The following HERC3 variants were observed in gnomAD, a reference collection of about 807,000 sequenced individuals.
HERC3 encodes HECT and RLD domain containing E3 ubiquitin protein ligase 3.
HERC3 carries 58 observed loss-of-function variants against 129.9 expected under a neutral mutation model. The observed-to-expected ratio is 0.45, with a 90% CI of 0.36 to 0.56. The LOEUF (loss-of-function observed/expected upper bound fraction) is 0.56, where lower values mean the gene tolerates loss of function less well. Among genes scored for constraint, HERC3 ranks in the 20% least tolerant of loss-of-function variants. The pLI is 0.00. For missense variants in HERC3, 835 were observed against 1,244.2 expected (o/e 0.67, Z 4.95); for synonymous variants, 430 against 451.0 (o/e 0.95, Z 0.59).
Position 88,662,445 on chromosome 4 carries a change from T to C in HERC3, c.1161T>C (p.Ala387=), listed in dbSNP as rs757786302. Residue 387 remains alanine, a synonymous_variant, in exon 11 of 26, where the codon GCT becomes GCC. Coordinates refer to ENST00000402738, the MANE Select transcript of HERC3 (RefSeq NM_014606.3). Reference sequence around the variant, plus strand: ...TAATTCTCCAGAATTATTCTCCTGCTGTTGACTTCAGGACTATGAACCAAG... The same window carrying C: ...TAATTCTCCAGAATTATTCTCCTGCCGTTGACTTCAGGACTATGAACCAAG... ...LCSKYENYSP[A]VDFRTMNQAH... is the part of the protein sequence containing the mutation. The C allele has an allele frequency of 3.1e-6, 5 of 1,609,250 alleles. No homozygotes were observed. Among genetic ancestry groups the C allele is most frequent in the Admixed American group, 3.4e-5 (2 of 58,944 alleles).
At chr4:88,645,112 A>G (rs781479524) in intron 3 of HERC3, among the ~76,000 whole-genome samples, 6 of 152,264 alleles carry the variant, frequency 3.9e-5, no homozygotes, top group Non-Finnish European at 7.4e-5. Context: ...CAGACTTTCA[A>G]TAAAAGTCTG....
intron 4 of HERC3, among the ~76,000 whole-genome samples, chr4:88,651,122 T>C (rs981675088): frequency 1.1e-4 from 16 of 152,198 alleles, no homozygotes; most frequent in Admixed American, 1.0e-3. Flanking sequence ...ATGTTGTGTG[T>C]AATACTAGGG....
Position 88,708,487 on chromosome 4 carries a change from G to A in HERC3, c.*1527G>A, listed in dbSNP as rs1469033108. ...GTTATATGAAATGTTTATTTTCTAT[G>A]TGTGTGCATATAGTTCAATATTATG... On this transcript the variant is annotated 3_prime_UTR_variant, in exon 26 of 26. Coordinates refer to ENST00000402738, the MANE Select transcript of HERC3 (RefSeq NM_014606.3). The A allele has an allele frequency of 6.6e-6, 1 of 152,452 alleles. No individual in the cohort carries two copies. Among genetic ancestry groups the A allele is most frequent in the African/African-American group, 2.4e-5 (1 of 41,384 alleles). 9.4% of individuals were successfully genotyped at this position (152,452 alleles called of 1,614,324 possible). A position where few individuals can be genotyped will look rare whatever the true frequency, so the allele number is the denominator to read the frequency against.
At chr4:88,608,857 A>G (rs1274345711) in intron 3 of HERC3, among the ~76,000 whole-genome samples, 5 of 152,228 alleles carry the variant, frequency 3.3e-5, no homozygotes, top group Non-Finnish European at 7.3e-5. Flanking sequence ...AAGGACTTGT[A>G]CAACTCTAGC....
At chr4:88,569,061 C>G in the HERC3 span, among the ~76,000 whole-genome samples, 70 of 152,242 alleles carry the variant, frequency 4.6e-4, 1 homozygote, top group Non-Finnish European at 2.1e-4. Flanking sequence ...TCCTTGTGAC[C>G]TAGACTGCCT....
intron 23 of HERC3, chr4:88,689,830 G>A (rs1300658518): frequency 1.0e-5 from 2 of 194,340 alleles, no homozygotes; most frequent in Non-Finnish European, 1.9e-5. Flanking sequence ...TGCCCGCCTC[G>A]GCCTCCCAAA....
chr4:88,576,398 C>T, the HERC3 span, among the ~76,000 whole-genome samples: 1 of 152,172 alleles, frequency 6.6e-6, no homozygotes, highest in African/African-American at 2.4e-5. Context: ...TCTAAATTTA[C>T]CTCCTGCCAC....
the HERC3 span, among the ~76,000 whole-genome samples, chr4:88,537,147 A>G: frequency 6.6e-6 from 1 of 152,294 alleles, no homozygotes; most frequent in African/African-American, 2.4e-5. Flanking sequence ...TATTTATACA[A>G]TATTACTGTA....
At chr4:88,553,195 A>G in the HERC3 span, among the ~76,000 whole-genome samples, 1 of 152,222 alleles carries the variant, frequency 6.6e-6, no homozygotes. Flanking sequence ...TTAGCACAGA[A>G]TAGTAGACAC....
chr4:88,667,737 C>T (rs1731195512), intron 13 of HERC3, among the ~76,000 whole-genome samples, 155 bp from the exon 14 acceptor site: 1 of 152,158 alleles, frequency 6.6e-6, no homozygotes, highest in Non-Finnish European at 1.5e-5. Flanking sequence ...TGGATGTGTA[C>T]TGAGGGCCTA....
At chr4:88,592,454 C>G (rs757972667), upstream of HERC3, 1 of 152,318 alleles carries the variant, frequency 6.6e-6, no homozygotes, top group Non-Finnish European at 1.5e-5. Flanking sequence ...CGCATTCCGC[C>G]GCCCGCAGGC....
chr4:88,530,903 G>A, the HERC3 span, among the ~76,000 whole-genome samples: 2 of 152,124 alleles, frequency 1.3e-5, no homozygotes, highest in Non-Finnish European at 2.9e-5. Flanking sequence ...AGGCTAGAGT[G>A]CAGTGGTGCG....
the HERC3 span, chr4:88,524,847 T>G: frequency 6.6e-6 from 1 of 152,184 alleles, no homozygotes; most frequent in Non-Finnish European, 1.5e-5. Context: ...CCTGAACTTT[T>G]TTTTTGCATC....
chr4:88,701,404 G>A (rs1221432937), intron 23 of HERC3, among the ~76,000 whole-genome samples: 2 of 152,098 alleles, frequency 1.3e-5, no homozygotes, highest in Non-Finnish European at 2.9e-5. Flanking sequence ...TGTGGATGGT[G>A]AACATGTAAA....
At chr4:88,704,380 G>A (rs1735583710) in intron 24 of HERC3, 99 bp downstream of exon 24, 1 of 1,353,276 alleles carries the variant, frequency 7.4e-7, no homozygotes, top group Non-Finnish European at 1.0e-6. Flanking sequence ...GCATACTGTG[G>A]TTGAGTTAGA....
intron 3 of HERC3, among the ~76,000 whole-genome samples, chr4:88,608,752 C>T (rs1024053540): frequency 2.0e-5 from 3 of 152,142 alleles, no homozygotes; most frequent in African/African-American, 7.2e-5. Context: ...TTCCCTAGGC[C>T]AGAGCCAGTG....
chr4:88,554,387 T>A, the HERC3 span, among the ~76,000 whole-genome samples: 4 of 150,554 alleles, frequency 2.7e-5, no homozygotes, highest in Admixed American at 6.6e-5. Flanking sequence ...ATACCAATTA[T>A]AGATTAAGTG....
intron 3 of HERC3, among the ~76,000 whole-genome samples, chr4:88,624,227 C>T (rs1490906541): frequency 6.6e-6 from 1 of 152,180 alleles, no homozygotes; most frequent in Non-Finnish European, 1.5e-5. Context: ...CTGTTATGAA[C>T]ATTCAATTAC....
the HERC3 span, among the ~76,000 whole-genome samples, chr4:88,574,142 A>G: frequency 6.6e-6 from 1 of 152,202 alleles, no homozygotes; most frequent in Admixed American, 6.5e-5. Flanking sequence ...GAATCTAGGA[A>G]GAATTAAACT....
Sources: gnomAD v4.1 joint callset for allele counts (sites outside exome capture counted in the v4.1 genomes callset) on GRCh38, gnomAD v4.1.1 for gene constraint, MANE v1.5 for transcripts, NCBI Gene and HGNC (gene_info 2026-07-23, HGNC 2026-07-21) for gene names.